The following LAP3 variants were observed in gnomAD, a reference collection of about 807,000 sequenced individuals.
The protein encoded by LAP3 is cytosol aminopeptidase.
In LAP3, 46 loss-of-function variants were observed where a neutral mutation model predicts 58.8. The observed-to-expected ratio is 0.78, with a 90% CI of 0.62 to 1.00. LAP3 has a LOEUF of 1.00. Ranked by LOEUF, LAP3 falls within the 50% of genes least tolerant of loss-of-function variation. The pLI, the probability that LAP3 is intolerant of heterozygous loss-of-function variation, is 0.00. For missense variants in LAP3, 615 were observed against 659.1 expected, an observed-to-expected ratio of 0.93 and a Z score of 0.73; for synonymous variants, 257 against 237.7, an observed-to-expected ratio of 1.08 and a Z score of -0.75.
intron 7 of LAP3, among the ~76,000 whole-genome samples, 179 bp downstream of exon 7, chr4:17,589,156 G>A (rs1026226380): frequency 5.9e-5 from 9 of 151,680 alleles, no homozygotes; most frequent in African/African-American, 9.7e-5. Context: ...TGCCTCCCAG[G>A]CTCAAGCAAT....
chr4:17,589,462 C>G (rs977813913), intron 7 of LAP3, among the ~76,000 whole-genome samples: 2 of 152,096 alleles, frequency 1.3e-5, no homozygotes, highest in Non-Finnish European at 2.9e-5. Flanking sequence ...ATGTCAGAGA[C>G]TATCAGGTAT....
At position 17,598,550 on chromosome 4, in the gene LAP3, C is replaced by T; in HGVS notation, c.1172C>T (p.Thr391Ile). 1 of 1,612,696 alleles carries T rather than the reference C, an allele frequency of 6.2e-7. No individual in the cohort carries two copies. The highest frequency in any genetic ancestry group is 8.5e-7 in the Non-Finnish European group (1 of 1,178,722). ...FNPKVILNAA[T>I]LTGAMDVALG... ...CCGAAGGTCATCCTCAATGCCGCCA[C>T]CTTAACAGGTCAGACCGCGCACTTG... is the stretch of plus-strand genomic sequence containing the variant. Residue 391 changes from threonine (T) to isoleucine (I), a missense_variant, in exon 10 of 13, where the codon ACC (threonine) becomes ATC (isoleucine). Thr to Ile is a moderately conservative substitution (Grantham distance 89, BLOSUM62 -1). Coordinates refer to ENST00000226299, the MANE Select transcript of LAP3 (RefSeq NM_015907.3).
rs533480552 is a variant in LAP3 at position 17,590,923 on chromosome 4, CTTT to C, written c.863+1969_863+1971del. Among the ~76,000 whole-genome samples the C allele has an allele frequency of 8.6e-4, 70 of 81,202 alleles. 1 individual carries two copies. Among genetic ancestry groups the C allele is most frequent in the African/African-American group, 3.0e-3 (60 of 20,224 alleles). The allele number at this position is 81,202 out of a possible 152,430, so 53.3% of individuals were successfully genotyped here. On this transcript the variant is annotated intron_variant, in intron 7 of 12. Transcript: ENST00000226299. ...AGCAAACACAATTTAGAAAGTTAAA[CTTT>C]TTTTTTTTTTTTTTTTTTTTTTAGT... is the stretch of plus-strand genomic sequence containing the variant.
rs773678671 is a variant in LAP3, at chr4:17,598,500, GCT to G, written c.1125_1126del (p.Cys376LeufsTer6). The G allele has an allele frequency of 1.2e-6, 2 of 1,614,100 alleles. No homozygotes were observed. Among genetic ancestry groups the G allele is most frequent in the Non-Finnish European group, 1.7e-6 (2 of 1,179,996 alleles). On this transcript the variant is annotated frameshift_variant, in exon 10 of 13. Transcript: ENST00000226299. LOFTEE classifies it high-confidence loss of function. The stretch of plus-strand genomic sequence containing the variant: ...AGGGGAGGCTCATACTGGCTGATGC[GCT>G]CTGTTACGCACACACGTTTAACCCG... ...AEGRLILADA[L>X]CYAHTFNPKV... is the part of the protein sequence containing the mutation.
At chr4:17,595,840 G>T (rs764221462) in intron 8 of LAP3, among the ~76,000 whole-genome samples, 1 of 152,112 alleles carries the variant, frequency 6.6e-6, no homozygotes, top group Non-Finnish European at 1.5e-5. Context: ...TGGGTACTTG[G>T]GGTGGCAGGA....
intron 4 of LAP3, chr4:17,582,646 T>G (rs1713394525): frequency 1.4e-5 from 5 of 346,908 alleles, no homozygotes; most frequent in Non-Finnish European, 2.7e-5. Context: ...TTGTTCGCTC[T>G]TGTCATATTA....
intron 2 of LAP3, among the ~76,000 whole-genome samples, chr4:17,580,182 G>GTGTGTATATATATATATATATA (rs1230041457): frequency 6.4e-5 from 2 of 31,020 alleles, no homozygotes; most frequent in African/African-American, 3.4e-4. Flanking sequence ...ATATATATAT[G>GTGTGTATATATATATATATATA]TATTTTTTTT....
chr4:17,588,473 T>C (rs190537947), intron 6 of LAP3, among the ~76,000 whole-genome samples: 3 of 152,272 alleles, frequency 2.0e-5, no homozygotes, highest in Admixed American at 2.0e-4. Flanking sequence ...ATTAAAATTG[T>C]AGAAATATCT....
In LAP3 at chr4:17,577,503, T is replaced by C. The variant is rs759193702; in HGVS notation, c.38T>C (p.Val13Ala). The change falls in exon 1 of 13, where the codon GTC (valine) becomes GCC (alanine). Residue 13 changes from valine to alanine, a missense_variant. Transcript: ENST00000226299. Reference protein sequence around the residue: ...LLPLPAAGRVVVRRLAVRRFG... With the variant: ...LLPLPAAGRVAVRRLAVRRFG... ...CCTCTTCCGGCTGCGGGGCGAGTAGTCGTCCGACGTCTGGCCGTGAGACGT... is the reference window on the plus strand; with the variant it reads ...CCTCTTCCGGCTGCGGGGCGAGTAGCCGTCCGACGTCTGGCCGTGAGACGT... 3.8e-6 allele frequency: 6 copies of C among 1,584,924 alleles called. No homozygotes were observed. Among genetic ancestry groups the C allele is most frequent in the East Asian group, 2.3e-5 (1 of 43,196 alleles).
chr4:17,589,213 A>G (rs992303837), intron 7 of LAP3, among the ~76,000 whole-genome samples: 2 of 151,878 alleles, frequency 1.3e-5, no homozygotes, highest in Non-Finnish European at 2.9e-5. Context: ...GGCGTGCACC[A>G]CCACACCCAG....
chr4:17,587,917 T>G (rs1397853740), intron 6 of LAP3, among the ~76,000 whole-genome samples: 1 of 151,968 alleles, frequency 6.6e-6, no homozygotes, highest in Admixed American at 6.6e-5. Flanking sequence ...CATTGGGATA[T>G]AGCTTTGGTT....
intron 7 of LAP3, among the ~76,000 whole-genome samples, chr4:17,592,563 C>T (rs1002986616): frequency 6.6e-6 from 1 of 152,178 alleles, no homozygotes; most frequent in Non-Finnish European, 1.5e-5. Context: ...CTTACTCTTG[C>T]GTAAATACCT....
At chr4:17,580,696 G>T (rs564394102) in intron 2 of LAP3, among the ~76,000 whole-genome samples, 1 of 152,186 alleles carries the variant, frequency 6.6e-6, no homozygotes, top group African/African-American at 2.4e-5. Context: ...TTTATTGCCT[G>T]CCTGAAGTTT....
At chr4:17,580,207 T>A (rs1231358743) in intron 2 of LAP3, among the ~76,000 whole-genome samples, 1 of 121,744 alleles carries the variant, frequency 8.2e-6, no homozygotes, top group Non-Finnish European at 1.7e-5. Flanking sequence ...TTCAGTAGAG[T>A]TGGGTTTCAC....
intron 7 of LAP3, among the ~76,000 whole-genome samples, chr4:17,592,932 G>A (rs754309154): frequency 3.3e-5 from 5 of 152,190 alleles, no homozygotes; most frequent in Non-Finnish European, 7.3e-5. Flanking sequence ...CCGAGTAGCC[G>A]GGACTATAGG....
chr4:17,598,259 A>T (rs1372682715), intron 9 of LAP3, among the ~76,000 whole-genome samples, 197 bp from the exon 10 acceptor site: 1 of 152,130 alleles, frequency 6.6e-6, no homozygotes, highest in Non-Finnish European at 1.5e-5. Context: ...TCTACCTCCC[A>T]AGGTGCTGGG....
At chr4:17,590,417 CA>C (rs1261396706) in intron 7 of LAP3, among the ~76,000 whole-genome samples, 1 of 152,152 alleles carries the variant, frequency 6.6e-6, no homozygotes, top group Non-Finnish European at 1.5e-5. Flanking sequence ...GTCTCCCACC[CA>C]CTAGTTCACA....
chr4:17,589,086 A>G lies in LAP3; in HGVS notation c.863+109A>G, dbSNP rs558963850. The G allele has an allele frequency of 1.3e-5, 15 of 1,136,460 alleles. 1 individual carries two copies. In the East Asian group the frequency reaches 3.4e-4, roughly 26 times the overall value. The allele number at this position is 1,136,460 out of a possible 1,614,324, so 70.4% of individuals were successfully genotyped here. On this transcript the variant is annotated intron_variant, in intron 7 of 12. Transcript: ENST00000226299. ...TGATTTTTTTTTTTTTTTGAGGCAG[A>G]GTCTCACCCTGTCACCCAGGCTAGA...
rs1044044576 is a variant in LAP3 at position 17,598,473 on chromosome 4, T to C, written c.1095T>C (p.Ala365=). 1.2e-6 allele frequency: 2 copies of C among 1,613,918 alleles called. No homozygotes were observed. ...CTCTGCAGGTTGATAACACTGATGC[T>C]GAGGGGAGGCTCATACTGGCTGATG... The part of the protein sequence containing the change: ...GKTIQVDNTD[A]EGRLILADAL... Residue 365 remains alanine (A), a synonymous_variant, in exon 10 of 13, where the codon GCT becomes GCC. Transcript: ENST00000226299.
Sources: gnomAD v4.1 joint callset for allele counts (sites outside exome capture counted in the v4.1 genomes callset) on GRCh38, gnomAD v4.1.1 for gene constraint, MANE v1.5 for transcripts, NCBI Gene and HGNC (gene_info 2026-07-23, HGNC 2026-07-21) for gene names.